PRR16: variants seen among roughly 807,000 people sequenced by gnomAD.
PRR16 encodes the protein proline rich 16.
A neutral mutation model predicts 18.2 loss-of-function variants in PRR16; 6 were observed. The ratio of observed to expected loss-of-function variants is 0.33; its 90% CI spans 0.18 to 0.65. The LOEUF (loss-of-function observed/expected upper bound fraction) is 0.65, where lower values mean the gene tolerates loss of function less well. Ranked by LOEUF, PRR16 falls within the 30% of genes least tolerant of loss-of-function variation. PRR16 has a pLI of 0.74. For synonymous variants in PRR16, 151 were observed against 147.8 expected, an observed-to-expected ratio of 1.02 and a Z score of -0.16; for missense variants, 412 against 376.6, an observed-to-expected ratio of 1.09 and a Z score of -0.78.
At chr5:120,708,361 C>T in the PRR16 span, among the ~76,000 whole-genome samples, 74,203 of 151,974 alleles carry the variant, frequency 0.49, 18,702 homozygotes, top group Middle Eastern at 0.56. Flanking sequence ...TTATGGCTAG[C>T]AGTTATTTAT....
At chr5:120,755,217 A>C in the PRR16 span, among the ~76,000 whole-genome samples, 3 of 151,992 alleles carry the variant, frequency 2.0e-5, no homozygotes, top group East Asian at 5.8e-4. Context: ...AAAAATCTAA[A>C]AAAAATAAAA....
intron 1 of PRR16, among the ~76,000 whole-genome samples, chr5:120,657,610 A>G (rs750070498): frequency 5.3e-5 from 8 of 151,958 alleles, no homozygotes; most frequent in Non-Finnish European, 1.0e-4. Flanking sequence ...GTCCCACAAG[A>G]TGAATATTCC....
At chr5:120,668,016 T>A (rs1756455665) in intron 1 of PRR16, among the ~76,000 whole-genome samples, 5 of 152,142 alleles carry the variant, frequency 3.3e-5, no homozygotes, top group Non-Finnish European at 7.4e-5. Flanking sequence ...CCTTGTTAAC[T>A]TTCTGTCTCG....
intron 1 of PRR16, among the ~76,000 whole-genome samples, chr5:120,644,000 G>C (rs1755509154): frequency 6.6e-6 from 1 of 152,026 alleles, no homozygotes. Context: ...GCAAGACTTT[G>C]TCTCAAAACA....
intron 1 of PRR16, among the ~76,000 whole-genome samples, chr5:120,576,234 AAT>A (rs965267610): frequency 6.6e-6 from 1 of 152,172 alleles, no homozygotes; most frequent in African/African-American, 2.4e-5. Flanking sequence ...GGACTGGGAG[AAT>A]ATGTTTGTAA....
chr5:120,793,292 T>C, the PRR16 span, among the ~76,000 whole-genome samples: 1 of 151,880 alleles, frequency 6.6e-6, no homozygotes, highest in South Asian at 2.1e-4. Context: ...GTACAACAAA[T>C]GTAGGCATGT....
At chr5:120,491,457 TCC>T (rs1580640345) in intron 1 of PRR16, among the ~76,000 whole-genome samples, 1 of 112,754 alleles carries the variant, frequency 8.9e-6, no homozygotes, top group East Asian at 2.1e-4. Context: ...TCCTTTCCTT[TCC>T]TTTCCTTTCC....
At chr5:120,476,208 G>C (rs17146666) in intron 1 of PRR16, among the ~76,000 whole-genome samples, 3 of 151,974 alleles carry the variant, frequency 2.0e-5, no homozygotes, top group Non-Finnish European at 4.4e-5. Flanking sequence ...ACTATCTCCT[G>C]TTACTTAAAA....
intron 1 of PRR16, among the ~76,000 whole-genome samples, chr5:120,561,958 G>T (rs184866513): frequency 1.3e-5 from 2 of 152,082 alleles, no homozygotes; most frequent in Admixed American, 1.3e-4. Flanking sequence ...TATCAGCATC[G>T]TGAGAACAGA....
At chr5:120,632,556 A>G (rs950478317) in intron 1 of PRR16, among the ~76,000 whole-genome samples, 1 of 152,158 alleles carries the variant, frequency 6.6e-6, no homozygotes. Context: ...CTGGAAATCA[A>G]GGACACACTT....
At chr5:120,668,492 T>C (rs1398588959) in intron 1 of PRR16, among the ~76,000 whole-genome samples, 1 of 151,988 alleles carries the variant, frequency 6.6e-6, no homozygotes, top group East Asian at 1.9e-4. Flanking sequence ...TTTGATCCTG[T>C]CATTATGATG....
chr5:120,612,734 A>G (rs780316319), intron 1 of PRR16, among the ~76,000 whole-genome samples: 1 of 152,132 alleles, frequency 6.6e-6, no homozygotes, highest in Non-Finnish European at 1.5e-5. Flanking sequence ...ATACACATAC[A>G]TATTATTTGA....
At chr5:120,737,077 C>T in the PRR16 span, among the ~76,000 whole-genome samples, 1 of 152,088 alleles carries the variant, frequency 6.6e-6, no homozygotes, top group Non-Finnish European at 1.5e-5. Flanking sequence ...GATTTTATTT[C>T]TTCCTTTACA....
chr5:120,501,759 A>G (rs1249382526), intron 1 of PRR16, among the ~76,000 whole-genome samples: 1 of 151,954 alleles, frequency 6.6e-6, no homozygotes, highest in Admixed American at 6.6e-5. Context: ...GACTGAGACC[A>G]TCCTGGCTAC....
the PRR16 span, among the ~76,000 whole-genome samples, chr5:120,784,706 G>C: frequency 8.0e-4 from 122 of 152,280 alleles, no homozygotes; most frequent in African/African-American, 2.5e-3. Context: ...ATCCATGAAA[G>C]CTCTTTGAAA....
At chr5:120,541,656 C>A (rs932790833) in intron 1 of PRR16, among the ~76,000 whole-genome samples, 22 of 152,134 alleles carry the variant, frequency 1.4e-4, no homozygotes, top group African/African-American at 4.8e-4. Flanking sequence ...AAAAATATAT[C>A]TGTTTCCTAA....
At chr5:120,530,896 G>A (rs561497782) in intron 1 of PRR16, among the ~76,000 whole-genome samples, 96 of 152,254 alleles carry the variant, frequency 6.3e-4, no homozygotes, top group African/African-American at 1.8e-3. Context: ...TTAGCATGAG[G>A]CTTTATTCGA....
intron 1 of PRR16, among the ~76,000 whole-genome samples, chr5:120,570,413 T>C (rs533539455): frequency 4.6e-5 from 7 of 152,278 alleles, no homozygotes; most frequent in Admixed American, 3.9e-4. Context: ...CCAAATGCCC[T>C]GCACAGGTTG....
rs1412751772 is a variant in PRR16, at chr5:120,601,842, G to C, written c.160-84112G>C. Among the ~76,000 whole-genome samples the C allele has an allele frequency of 3.3e-5, 5 of 151,796 alleles. No individual in the cohort carries two copies. The East Asian group carries it at 9.7e-4, about 29-fold the overall frequency. ...GGGAGTTCATTCCTCATTGCTTGTTGTTGTCACCTTTGTCAAAGGTCAGAT... is the reference window on the plus strand; with the variant it reads ...GGGAGTTCATTCCTCATTGCTTGTTCTTGTCACCTTTGTCAAAGGTCAGAT... On this transcript the variant is annotated intron_variant, in intron 1 of 1. Transcript: ENST00000407149.
Sources: gnomAD v4.1 joint callset for allele counts (sites outside exome capture counted in the v4.1 genomes callset) on GRCh38, gnomAD v4.1.1 for gene constraint, MANE v1.5 for transcripts, NCBI Gene and HGNC (gene_info 2026-07-23, HGNC 2026-07-21) for gene names.